Variants in OR1J2 observed in about 807,000 individuals in gnomAD.
The protein encoded by OR1J2 is olfactory receptor family 1 subfamily J member 2, also known as olfactory receptor 1J2.
For synonymous variants in OR1J2, 142 were observed against 99.7 expected (o/e 1.42, Z -2.52); for missense variants, 304 against 246.1 (o/e 1.24, Z -1.57).
the OR1J2 span, chr9:122,526,325 A>G: frequency 7.4e-6 from 10 of 1,345,332 alleles, no homozygotes; most frequent in African/African-American, 1.5e-5. Context: ...CTCCAAGCCT[A>G]TGTCTTTTCA....
At chr9:122,560,234 G>A in the OR1J2 span, among the ~76,000 whole-genome samples, 1 of 151,964 alleles carries the variant, frequency 6.6e-6, no homozygotes, top group Non-Finnish European at 1.5e-5. Context: ...TTGCACGTGA[G>A]ATGGATCTCC....
chr9:122,451,852 G>A, the OR1J2 span, among the ~76,000 whole-genome samples: 1 of 152,240 alleles, frequency 6.6e-6, no homozygotes, highest in African/African-American at 2.4e-5. Flanking sequence ...TGGTCTGGGG[G>A]CATAATTACA....
the OR1J2 span, among the ~76,000 whole-genome samples, chr9:122,497,152 C>G: frequency 6.6e-6 from 1 of 152,278 alleles, no homozygotes; most frequent in South Asian, 2.1e-4. Context: ...AGCAGACTCA[C>G]AGTTTTTTGG....
the OR1J2 span, among the ~76,000 whole-genome samples, chr9:122,546,446 C>T: frequency 2.0e-5 from 3 of 152,134 alleles, no homozygotes; most frequent in African/African-American, 7.2e-5. Context: ...TCTCTTAGAA[C>T]GTTTGCTCGC....
At chr9:122,576,687 C>T in the OR1J2 span, 1 of 152,140 alleles carries the variant, frequency 6.6e-6, no homozygotes, top group African/African-American at 2.4e-5. Context: ...ATGACTGGTT[C>T]CCCCTAGAGA....
the OR1J2 span, among the ~76,000 whole-genome samples, chr9:122,533,028 T>G: frequency 2.6e-5 from 4 of 151,772 alleles, no homozygotes; most frequent in African/African-American, 7.3e-5. Context: ...CCCAGGTAAT[T>G]TGCTGAGCCT....
At chr9:122,482,365 A>G in the OR1J2 span, among the ~76,000 whole-genome samples, 1 of 152,312 alleles carries the variant, frequency 6.6e-6, no homozygotes, top group South Asian at 2.1e-4. Flanking sequence ...AAAGACAAAA[A>G]AATACCAAAT....
the OR1J2 span, among the ~76,000 whole-genome samples, chr9:122,478,866 G>A: frequency 0.037 from 5,571 of 149,900 alleles, 105 homozygotes; most frequent in Middle Eastern, 0.1. Flanking sequence ...TGTAACCTCC[G>A]CCTCCTGGGT....
chr9:122,450,696 C>T, the OR1J2 span, among the ~76,000 whole-genome samples: 2 of 152,178 alleles, frequency 1.3e-5, no homozygotes, highest in Admixed American at 6.5e-5. Context: ...GGAACCAGTC[C>T]TCCTGTTGAA....
chr9:122,495,512 A>G, the OR1J2 span, among the ~76,000 whole-genome samples: 1 of 151,766 alleles, frequency 6.6e-6, no homozygotes, highest in Non-Finnish European at 1.5e-5. Flanking sequence ...GCATTTCTCT[A>G]TGTGTGTCCT....
the OR1J2 span, among the ~76,000 whole-genome samples, chr9:122,489,455 C>G: frequency 6.6e-6 from 1 of 152,022 alleles, no homozygotes; most frequent in African/African-American, 2.4e-5. Flanking sequence ...CGTGCACAGA[C>G]AAGGAGAGGT....
chr9:122,519,049 A>T, the OR1J2 span: 1 of 856,168 alleles, frequency 1.2e-6, no homozygotes, highest in East Asian at 2.4e-5. Flanking sequence ...AGTAGCAAGG[A>T]TCTTATTCTT....
the OR1J2 span, among the ~76,000 whole-genome samples, chr9:122,534,426 T>C: frequency 6.6e-5 from 10 of 152,198 alleles, no homozygotes; most frequent in Non-Finnish European, 1.5e-4. Context: ...GTATTAATAT[T>C]TGATGAAAAA....
the OR1J2 span, among the ~76,000 whole-genome samples, chr9:122,483,032 GATAA>G: frequency 6.6e-5 from 10 of 152,152 alleles, no homozygotes; most frequent in African/African-American, 9.7e-5. Context: ...ACTAAGAAAT[GATAA>G]ATGAATGAGG....
At chr9:122,490,263 A>G in the OR1J2 span, among the ~76,000 whole-genome samples, 1 of 152,198 alleles carries the variant, frequency 6.6e-6, no homozygotes, top group Admixed American at 6.5e-5. Context: ...ATATTATCCC[A>G]GATGGTGAAT....
At chr9:122,567,456 C>T in the OR1J2 span, 1 of 958,950 alleles carries the variant, frequency 1.0e-6, no homozygotes. Flanking sequence ...GAAGTGCTAG[C>T]TTCCAACAGC....
chr9:122,548,180 T>TA, the OR1J2 span, among the ~76,000 whole-genome samples: 4 of 152,308 alleles, frequency 2.6e-5, no homozygotes, highest in South Asian at 4.1e-4. Context: ...AGGATGCAGT[T>TA]AGAGTTTGAA....
the OR1J2 span, chr9:122,526,388 G>A: frequency 2.7e-6 from 4 of 1,506,582 alleles, no homozygotes; most frequent in South Asian, 1.4e-5. Context: ...TGTGACTGAA[G>A]AGCCTCTTTA....
At chr9:122,563,136 A>G in the OR1J2 span, among the ~76,000 whole-genome samples, 1 of 151,658 alleles carries the variant, frequency 6.6e-6, no homozygotes, top group Non-Finnish European at 1.5e-5. Flanking sequence ...ATTCTCACCA[A>G]CAGTGTATAA....
Sources: gnomAD v4.1 joint callset for allele counts (sites outside exome capture counted in the v4.1 genomes callset) on GRCh38, gnomAD v4.1.1 for gene constraint, MANE v1.5 for transcripts, NCBI Gene and HGNC (gene_info 2026-07-23, HGNC 2026-07-21) for gene names.